The following SMTNL2 variants were observed in gnomAD, a reference collection of about 807,000 sequenced individuals.
The protein encoded by SMTNL2 is smoothelin like 2, also known as smoothelin-like protein 2.
A neutral mutation model predicts 44.1 loss-of-function variants in SMTNL2; 43 were observed. The observed-to-expected ratio is 0.98, with a 90% CI of 0.76 to 1.26. The LOEUF is 1.26. Among genes scored for constraint, SMTNL2 ranks in the 50% most tolerant of loss-of-function variants. SMTNL2 has a pLI of 0.00. For missense variants in SMTNL2, 646 were observed against 670.2 expected, an observed-to-expected ratio of 0.96 and a Z score of 0.40; for synonymous variants, 317 against 287.6, an observed-to-expected ratio of 1.10 and a Z score of -1.03.
In SMTNL2 at chr17:4,595,605, C is replaced by G. The variant is rs1042557875; in HGVS notation, c.989+278C>G. Among the ~76,000 whole-genome samples, 2 of 152,234 alleles carry G rather than the reference C, an allele frequency of 1.3e-5. No individual in the cohort carries two copies. The highest frequency in any genetic ancestry group is 4.8e-5 in the African/African-American group (2 of 41,458). On this transcript the variant is annotated intron_variant, in intron 5 of 7. Transcript: ENST00000389313. This position sits in a 1 kb window ranked among gnomAD's most constrained non-coding sequence, Gnocchi z 5.1. ...TCTCCTCCTCCATTCCCGAGGCCCC[C>G]TGTCCTGTCTCTGGTGCCGCCAGGC...
chr17:4,599,290 G>A lies in SMTNL2; in HGVS notation c.1259+1967G>A, dbSNP rs183502360. On this transcript the variant is annotated intron_variant, in intron 7 of 7. Coordinates refer to ENST00000389313, the MANE Select transcript of SMTNL2 (RefSeq NM_001114974.2). The stretch of plus-strand genomic sequence containing the variant: ...CCTAATTGCAGAAACAGCTCTGGAC[G>A]AGCGTGTTGTGCAACTGGATCCAGA... 3.2e-4 allele frequency among the ~76,000 whole-genome samples: 48 copies of A among 152,310 alleles called. No individual in the cohort carries two copies. In the East Asian group the frequency reaches 7.9e-3, roughly 25 times the overall value.
intron 4 of SMTNL2, among the ~76,000 whole-genome samples, chr17:4,594,339 C>T (rs1403470824): frequency 6.6e-6 from 1 of 152,022 alleles, no homozygotes; most frequent in Non-Finnish European, 1.5e-5. Flanking sequence ...ATCCCAGCTA[C>T]TTGGGACGCT....
chr17:4,594,410 C>T (rs1171349410), intron 4 of SMTNL2, among the ~76,000 whole-genome samples: 2 of 152,056 alleles, frequency 1.3e-5, no homozygotes, highest in Non-Finnish European at 2.9e-5. Flanking sequence ...GATGGTGCCA[C>T]TGCTCTCCAG....
rs2150528270 is a variant in SMTNL2, at chr17:4,608,257, TA to T, written c.*775del. Reference sequence around the variant, plus strand: ...TTAGGGGATTTGCTGCAGATATTTATAAAAAGTAACTCCCTCTGTACCACTG... The same window carrying T: ...TTAGGGGATTTGCTGCAGATATTTATAAAAGTAACTCCCTCTGTACCACTG... On this transcript the variant is annotated 3_prime_UTR_variant, in exon 8 of 8. Coordinates refer to ENST00000389313, the MANE Select transcript of SMTNL2 (RefSeq NM_001114974.2). 6.6e-6 allele frequency: 1 copy of T among 152,310 alleles called. No individual in the cohort carries two copies. Among genetic ancestry groups the T allele is most frequent in the South Asian group, 2.1e-4 (1 of 4,828 alleles). 9.4% of individuals were successfully genotyped at this position (152,310 alleles called of 1,614,324 possible).
At chr17:4,591,868 C>T (rs1207912560) in intron 1 of SMTNL2, among the ~76,000 whole-genome samples, 1 of 152,234 alleles carries the variant, frequency 6.6e-6, no homozygotes, top group Admixed American at 6.5e-5. Context: ...CCGGGTAAAT[C>T]TTGTGTCCCC....
rs773413019 is a variant in SMTNL2, at chr17:4,607,411, T to A, written c.1310T>A (p.Met437Lys). Residue 437 changes from methionine to lysine, a missense_variant, in exon 8 of 8, where the codon ATG (methionine) becomes AAG (lysine). Transcript: ENST00000389313. This position sits in a 1 kb window ranked among gnomAD's most constrained non-coding sequence, Gnocchi z 4.7. ...ATCGAAGTGGAGGACATGATGGTGA[T>A]GGGCCGCAAGCCGGACCCCATGTGT... ...RLIEVEDMMVMGRKPDPMCVF... is the reference protein window; with the variant it reads ...RLIEVEDMMVKGRKPDPMCVF... 1.1e-5 allele frequency: 17 copies of A among 1,614,050 alleles called. No homozygotes were observed. The highest frequency in any genetic ancestry group is 1.4e-5 in the Non-Finnish European group (16 of 1,180,036).
In SMTNL2 at chr17:4,597,246, C is replaced by T; in HGVS notation, c.1182C>T (p.Phe394=). 1.2e-6 allele frequency: 2 copies of T among 1,614,206 alleles called. No homozygotes were observed. Among genetic ancestry groups the T allele is most frequent in the Non-Finnish European group, 1.7e-6 (2 of 1,180,032 alleles). The change falls in exon 7 of 8, where the codon TTC becomes TTT. Residue 394 remains phenylalanine, a synonymous_variant. Transcript: ENST00000389313. The stretch of plus-strand genomic sequence containing the variant: ...TCTGCGCCCTGGTACACTCCTTCTT[C>T]CCCGATGCCTTTGACTACAACTCCC... ...MAFCALVHSF[F]PDAFDYNSLS... is the part of the protein sequence containing the mutation.
At chr17:4,599,266 C>A (rs1909934869) in intron 7 of SMTNL2, among the ~76,000 whole-genome samples, 1 of 152,168 alleles carries the variant, frequency 6.6e-6, no homozygotes, top group South Asian at 2.1e-4. Context: ...AGCTGTCATC[C>A]TAATTGCAGA....
upstream of SMTNL2, chr17:4,584,233 TGA>T (rs1480704878): frequency 1.1e-5 from 2 of 179,170 alleles, no homozygotes; most frequent in Non-Finnish European, 2.3e-5. Context: ...GCCTTGCGGG[TGA>T]GAGTCCCGAG....
Position 4,584,798 on chromosome 17 carries a change from C to A in SMTNL2, c.193C>A (p.Arg65=). The A allele has an allele frequency of 7.6e-7, 1 of 1,323,288 alleles. No homozygotes were observed. Among genetic ancestry groups the A allele is most frequent in the Non-Finnish European group, 9.6e-7 (1 of 1,039,164 alleles). 82.0% of individuals were successfully genotyped at this position (1,323,288 alleles called of 1,614,324 possible). Residue 65 remains arginine, a synonymous_variant, in exon 1 of 8, where the codon CGG becomes AGG. Coordinates refer to ENST00000389313, the MANE Select transcript of SMTNL2 (RefSeq NM_001114974.2). ...GGCGCGCACGGTGGCCGACCTGCAG[C>A]GGGACAACCAGCGGCTGCAGGCGCA... is the stretch of plus-strand genomic sequence containing the variant. ...PLARTVADLQ[R]DNQRLQAQLE...
chr17:4,603,519 G>C (rs773747252), intron 7 of SMTNL2, among the ~76,000 whole-genome samples: 12 of 152,168 alleles, frequency 7.9e-5, no homozygotes, highest in Non-Finnish European at 1.5e-4. Context: ...CCCTTTCCCT[G>C]GACCCTGAGA....
intron 7 of SMTNL2, among the ~76,000 whole-genome samples, chr17:4,605,156 T>TTG (rs1453931430): frequency 7.0e-5 from 9 of 128,664 alleles, no homozygotes; most frequent in African/African-American, 2.9e-4. Context: ...TTGTTTGGTT[T>TTG]TTTTTTTTTT....
chr17:4,595,729 G>A lies in SMTNL2; in HGVS notation c.989+402G>A, dbSNP rs1292338810. ...CTGGGATTCCTGGCCAGAGCTGGGA[G>A]CCCCAGCATGGGGTTGGTCTTGCCC... On this transcript the variant is annotated intron_variant, in intron 5 of 7. Transcript: ENST00000389313. The surrounding 1 kb of genome is among the most constrained non-coding windows in gnomAD (Gnocchi z 5.1). 6.6e-6 allele frequency among the ~76,000 whole-genome samples: 1 copy of A among 152,234 alleles called. No individual in the cohort carries two copies. The highest frequency in any genetic ancestry group is 1.5e-5 in the Non-Finnish European group (1 of 68,026).
intron 1 of SMTNL2, among the ~76,000 whole-genome samples, chr17:4,591,090 C>T (rs1363228602): frequency 1.3e-5 from 2 of 152,216 alleles, no homozygotes. Flanking sequence ...TCTGAGAAGC[C>T]CTCCTTGCCC....
At position 4,592,953 on chromosome 17, in the gene SMTNL2, T is replaced by A. The variant is rs774738683; in HGVS notation, c.512T>A (p.Ile171Asn). 1.2e-5 allele frequency: 19 copies of A among 1,613,452 alleles called. No homozygotes were observed. Among genetic ancestry groups the A allele is most frequent in the Non-Finnish European group, 1.6e-5 (19 of 1,179,614 alleles). The change falls in exon 3 of 8, where the codon ATT becomes AAT. Residue 171 changes from isoleucine to asparagine, a missense_variant. By Grantham distance (149) the Ile-to-Asn change is moderately radical. Coordinates refer to ENST00000389313, the MANE Select transcript of SMTNL2 (RefSeq NM_001114974.2). The surrounding 1 kb of genome is among the most constrained non-coding windows in gnomAD (Gnocchi z 4.5). Reference sequence around the variant, plus strand: ...GGTCCAGGCGATGGACCCCCTGAGATTGCCCAAAACTTCTCAGCACCAGAT... The same window carrying A: ...GGTCCAGGCGATGGACCCCCTGAGAATGCCCAAAACTTCTCAGCACCAGAT... ...GAGPGDGPPE[I>N]AQNFSAPDPP...
chr17:4,606,577 A>G (rs1006665140), intron 7 of SMTNL2, among the ~76,000 whole-genome samples: 3 of 152,016 alleles, frequency 2.0e-5, no homozygotes, highest in Admixed American at 6.6e-5. Context: ...TCTGGGTAAC[A>G]TAGTGAGACC....
At position 4,598,194 on chromosome 17, in the gene SMTNL2, G is replaced by C. The variant is rs751591574; in HGVS notation, c.1259+871G>C. On this transcript the variant is annotated intron_variant, in intron 7 of 7. Coordinates refer to ENST00000389313, the MANE Select transcript of SMTNL2 (RefSeq NM_001114974.2). The surrounding 1 kb of genome is among the most constrained non-coding windows in gnomAD (Gnocchi z 4.8). ...AGTCAGCTCGCTGCGACCTGGCAGG[G>C]AGGGAGCTGTGGATAAGTGTCCCAA... Among the ~76,000 whole-genome samples, 2 of 152,292 alleles carry C rather than the reference G, an allele frequency of 1.3e-5. No homozygotes were observed. Among genetic ancestry groups the C allele is most frequent in the Non-Finnish European group, 2.9e-5 (2 of 68,018 alleles).
At position 4,595,366 on chromosome 17, in the gene SMTNL2, T is replaced by G; in HGVS notation, c.989+39T>G. ...CTCACAGACAGGCCCGGCCCCACGG[T>G]GTGCCCAGACCCAGACGGGGCTTGG... is the stretch of plus-strand genomic sequence containing the variant. On this transcript the variant is annotated intron_variant, in intron 5 of 7. Coordinates refer to ENST00000389313, the MANE Select transcript of SMTNL2 (RefSeq NM_001114974.2). The surrounding 1 kb of genome is among the most constrained non-coding windows in gnomAD (Gnocchi z 5.1). 105 of 1,598,562 alleles carry G rather than the reference T, an allele frequency of 6.6e-5. No individual in the cohort carries two copies. Among genetic ancestry groups the G allele is most frequent in the Non-Finnish European group, 8.5e-5 (99 of 1,171,350 alleles).
At chr17:4,585,344 A>C (rs1909304802) in intron 1 of SMTNL2, among the ~76,000 whole-genome samples, 1 of 152,212 alleles carries the variant, frequency 6.6e-6, no homozygotes, top group South Asian at 2.1e-4. Flanking sequence ...GCCTGGAGCC[A>C]CGCGGGGCAT....
Sources: gnomAD v4.1 joint callset for allele counts (sites outside exome capture counted in the v4.1 genomes callset) on GRCh38, gnomAD v4.1.1 for gene constraint, Gnocchi (gnomAD v3.1) non-coding constraint, MANE v1.5 for transcripts, NCBI Gene and HGNC (gene_info 2026-07-23, HGNC 2026-07-21) for gene names.